The following RHD variants were observed in gnomAD, a reference collection of about 807,000 sequenced individuals.
The protein encoded by RHD is blood group Rh(D) polypeptide.
Under a neutral mutation model 45.5 loss-of-function variants are expected in RHD, and 16 were observed. The ratio of observed to expected loss-of-function variants is 0.35; its 90% CI spans 0.24 to 0.53. The LOEUF (loss-of-function observed/expected upper bound fraction) is 0.53, where lower values mean the gene tolerates loss of function less well. RHD is among the 20% of genes least tolerant of loss of function. The probability of loss-of-function intolerance (pLI) is 0.92; values close to 1 mark genes in which losing one functional copy is unlikely to be tolerated. For missense variants in RHD, 306 were observed against 532.0 expected (o/e 0.58, Z 4.18); for synonymous variants, 131 against 217.5 (o/e 0.60, Z 3.50).
rs1325724880 is a variant in RHD at position 25,295,859 on chromosome 1, T to G, written c.486+5068T>G. The stretch of plus-strand genomic sequence containing the variant: ...GGAGGGAATATGGGAAATTTTTTTT[T>G]TTTTTTTTTTTTTTTTTTTTGAGAT... On this transcript the variant is annotated intron_variant, in intron 3 of 9. Coordinates refer to ENST00000328664, the MANE Select transcript of RHD (RefSeq NM_016124.6). Among the ~76,000 whole-genome samples the G allele has an allele frequency of 6.8e-4, 68 of 99,624 alleles. 14 individuals are homozygous for G. Among genetic ancestry groups the G allele is most frequent in the East Asian group, 1.7e-3 (8 of 4,738 alleles). The allele number at this position is 99,624 out of a possible 152,430, so 65.4% of individuals were successfully genotyped here.
At chr1:25,312,189 G>A (rs531759832) in intron 7 of RHD, among the ~76,000 whole-genome samples, 1,259 of 96,140 alleles carry the variant, frequency 0.013, 119 homozygotes, top group African/African-American at 0.042. Context: ...AAGGTTTAAT[G>A]TTGTTTTCTA....
intron 2 of RHD, among the ~76,000 whole-genome samples, chr1:25,290,317 G>C (rs1315692402): frequency 3.2e-5 from 4 of 123,708 alleles, no homozygotes; most frequent in African/African-American, 1.1e-4. Flanking sequence ...TCCCCTGAGG[G>C]AACAGTCACC....
intron 2 of RHD, among the ~76,000 whole-genome samples, chr1:25,287,735 T>A: frequency 7.4e-6 from 1 of 135,494 alleles, no homozygotes; most frequent in East Asian, 1.9e-4. Flanking sequence ...TTATTTATTT[T>A]TTTAGAGACA....
Position 25,328,983 on chromosome 1 carries a change from T to C in RHD, c.*59T>C. Reference sequence around the variant, plus strand: ...AAAACAAGACAACTTCCTCTCACTGTTGCCTGCATTTGTACGTGAGAAACG... The same window carrying C: ...AAAACAAGACAACTTCCTCTCACTGCTGCCTGCATTTGTACGTGAGAAACG... On this transcript the variant is annotated 3_prime_UTR_variant, in exon 10 of 10. Coordinates refer to ENST00000328664, the MANE Select transcript of RHD (RefSeq NM_016124.6). 2 of 1,369,968 alleles carry C rather than the reference T, an allele frequency of 1.5e-6. 1 individual carries two copies. Among genetic ancestry groups the C allele is most frequent in the Admixed American group, 3.6e-5 (2 of 54,952 alleles). 84.9% of individuals were successfully genotyped at this position (1,369,968 alleles called of 1,614,324 possible).
At position 25,329,489 on chromosome 1, in the gene RHD, C is replaced by T. The variant is rs147810784; in HGVS notation, c.*565C>T. On this transcript the variant is annotated 3_prime_UTR_variant, in exon 10 of 10. Coordinates refer to ENST00000328664, the MANE Select transcript of RHD (RefSeq NM_016124.6). ...AACTCCTGACCTCAAGTGATCTGCC[C>T]GCCTCGGCCTCCCAAAGTGCTGGAA... 1,812 of 205,138 alleles carry T rather than the reference C, an allele frequency of 8.8e-3. 236 individuals carry two copies. The highest frequency in any genetic ancestry group is 0.042 in the African/African-American group (1,647 of 39,588). The allele number at this position is 205,138 out of a possible 1,614,324, so 12.7% of individuals were successfully genotyped here.
chr1:25,306,860 T>G lies in RHD; in HGVS notation c.1073+131T>G. ...TCAGTAGGCTTCGGTGAATATTTGT[T>G]GGCTGATTTATTCAGAAATTCTGTC... On this transcript the variant is annotated intron_variant, in intron 7 of 9. Coordinates refer to ENST00000328664, the MANE Select transcript of RHD (RefSeq NM_016124.6). 5.4e-6 allele frequency: 5 copies of G among 924,316 alleles called. 1 individual carries two copies. Among genetic ancestry groups the G allele is most frequent in the Non-Finnish European group, 8.6e-6 (5 of 578,210 alleles). 57.3% of individuals were successfully genotyped at this position (924,316 alleles called of 1,614,324 possible). A position where few individuals can be genotyped will look rare whatever the true frequency, so the allele number is the denominator to read the frequency against.
intron 4 of RHD, 152 bp downstream of exon 4, chr1:25,301,245 T>G (rs1389079019): frequency 2.2e-6 from 2 of 893,354 alleles, no homozygotes; most frequent in African/African-American, 3.3e-5. Context: ...TAGTGTTTGC[T>G]AAATTCATAC....
In RHD at chr1:25,309,320, G is replaced by C. The variant is rs1317071825; in HGVS notation, c.1073+2591G>C. On this transcript the variant is annotated intron_variant, in intron 7 of 9. Coordinates refer to ENST00000328664, the MANE Select transcript of RHD (RefSeq NM_016124.6). ...TTTCAATTCTCAGTCCTTTGATTAC[G>C]TCAGGGAGAAAAGAAAGTCCCCACT... Among the ~76,000 whole-genome samples, 2 of 130,818 alleles carry C rather than the reference G, an allele frequency of 1.5e-5. 1 individual carries two copies. The highest frequency in any genetic ancestry group is 5.3e-5 in the African/African-American group (2 of 37,614). The allele number at this position is 130,818 out of a possible 152,430, so 85.8% of individuals were successfully genotyped here. A position where few individuals can be genotyped will look rare whatever the true frequency, so the allele number is the denominator to read the frequency against.
intron 3 of RHD, among the ~76,000 whole-genome samples, chr1:25,291,173 C>T (rs1332720005): frequency 1.2e-4 from 15 of 126,690 alleles, no homozygotes; most frequent in African/African-American, 4.2e-4. Context: ...GACAGACAGA[C>T]AGACAGACAG....
Position 25,275,028 on chromosome 1 carries a change from C to G in RHD, c.148+2333C>G, listed in dbSNP as rs534532874. Among the ~76,000 whole-genome samples, 13 of 129,714 alleles carry G rather than the reference C, an allele frequency of 1.0e-4. 2 individuals are homozygous for G. In the South Asian group the frequency reaches 2.8e-3, roughly 28 times the overall value. The allele number at this position is 129,714 out of a possible 152,430, so 85.1% of individuals were successfully genotyped here. A position where few individuals can be genotyped will look rare whatever the true frequency, so the allele number is the denominator to read the frequency against. ...CAGGGACTGGGTGTGGTGACTCATG[C>G]CTGTAATCCCAAACACTTTGGGAGA... On this transcript the variant is annotated intron_variant, in intron 1 of 9. Transcript: ENST00000328664.
intron 7 of RHD, among the ~76,000 whole-genome samples, chr1:25,312,912 C>G (rs1308461816): frequency 8.7e-5 from 1 of 11,448 alleles, no homozygotes; most frequent in African/African-American, 1.7e-4. Flanking sequence ...AGAGCAAAAT[C>G]CCATCTCTAA....
intron 7 of RHD, among the ~76,000 whole-genome samples, chr1:25,316,296 T>C (rs1219230382): frequency 2.3e-5 from 3 of 128,810 alleles, no homozygotes; most frequent in African/African-American, 8.0e-5. Flanking sequence ...CCAAGAGAAA[T>C]AGAACCTTCA....
Position 25,290,554 on chromosome 1 carries a change from AGAATGAATGAAT to A in RHD, c.336-64_336-53del, listed in dbSNP as rs112473736. On this transcript the variant is annotated intron_variant, in intron 2 of 9. Transcript: ENST00000328664. ...TAGGTGCCCAACAGTGTTTGTTGAAAGAATGAATGAATGAATGAATGAATGAATGAATGAGTG... is the reference window on the plus strand; with the variant it reads ...TAGGTGCCCAACAGTGTTTGTTGAAAGAATGAATGAATGAATGAATGAGTG... 202 of 1,099,946 alleles carry A rather than the reference AGAATGAATGAAT, an allele frequency of 1.8e-4. 22 individuals carry two copies. The East Asian group carries it at 3.1e-3, about 17-fold the overall frequency. The allele number at this position is 1,099,946 out of a possible 1,614,324, so 68.1% of individuals were successfully genotyped here. A position where few individuals can be genotyped will look rare whatever the true frequency, so the allele number is the denominator to read the frequency against.
rs200048219 is a variant in RHD, at chr1:25,301,522, G to A, written c.637G>A (p.Ala213Thr). The A allele has an allele frequency of 4.5e-5, 62 of 1,377,970 alleles. 21 individuals carry two copies. Among genetic ancestry groups the A allele is most frequent in the Non-Finnish European group, 5.8e-5 (57 of 978,522 alleles). The allele number at this position is 1,377,970 out of a possible 1,614,324, so 85.4% of individuals were successfully genotyped here. ...TIPSLSAMLGALFLWMFWPSF... is the reference protein window; with the variant it reads ...TIPSLSAMLGTLFLWMFWPSF... ...CAACCACCCTCTCTGGCCCCCAGGC[G>A]CCCTCTTCTTGTGGATGTTCTGGCC... Residue 213 changes from alanine (A) to threonine (T), a missense_variant and splice_region_variant, in exon 5 of 10, where the codon GCC (alanine) becomes ACC (threonine). By Grantham distance (58) the Ala-to-Thr change is moderately conservative. Coordinates refer to ENST00000328664, the MANE Select transcript of RHD (RefSeq NM_016124.6).
At chr1:25,273,727 A>G (rs1231952331) in intron 1 of RHD, among the ~76,000 whole-genome samples, 1 of 128,528 alleles carries the variant, frequency 7.8e-6, no homozygotes, top group Non-Finnish European at 1.8e-5. Flanking sequence ...AATGAGTTTC[A>G]GGCATCTCAG....
At chr1:25,312,961 G>C (rs1405914418) in intron 7 of RHD, among the ~76,000 whole-genome samples, 1 of 31,744 alleles carries the variant, frequency 3.2e-5, no homozygotes, top group African/African-American at 6.5e-5. Context: ...AAAAACTTTA[G>C]TGCTATTGGA....
chr1:25,293,791 A>C lies in RHD; in HGVS notation c.486+3000A>C, dbSNP rs1157235325. Among the ~76,000 whole-genome samples the C allele has an allele frequency of 1.4e-4, 19 of 132,208 alleles. 2 individuals are homozygous for C. Among genetic ancestry groups the C allele is most frequent in the African/African-American group, 4.7e-4 (18 of 38,608 alleles). 86.7% of individuals were successfully genotyped at this position (132,208 alleles called of 152,430 possible). A position where few individuals can be genotyped will look rare whatever the true frequency, so the allele number is the denominator to read the frequency against. The stretch of plus-strand genomic sequence containing the variant: ...GAATTAAGAGTATTTCCCTTTGTCC[A>C]TTATTCCCAAGGCAAATATGGAAAT... On this transcript the variant is annotated intron_variant, in intron 3 of 9. Coordinates refer to ENST00000328664, the MANE Select transcript of RHD (RefSeq NM_016124.6).
At chr1:25,299,492 G>A (rs1247610307) in intron 3 of RHD, among the ~76,000 whole-genome samples, 6 of 131,742 alleles carry the variant, frequency 4.6e-5, no homozygotes, top group Non-Finnish European at 1.1e-4. Context: ...TGCACCCAGG[G>A]TGGACTACTC....
chr1:25,309,979 A>T lies in RHD; in HGVS notation c.1073+3250A>T, dbSNP rs1359583666. 7.6e-5 allele frequency among the ~76,000 whole-genome samples: 10 copies of T among 132,388 alleles called. 1 individual carries two copies. The highest frequency in any genetic ancestry group is 3.7e-3 in the Middle Eastern group (1 of 268). The allele number at this position is 132,388 out of a possible 152,430, so 86.9% of individuals were successfully genotyped here. A position where few individuals can be genotyped will look rare whatever the true frequency, so the allele number is the denominator to read the frequency against. On this transcript the variant is annotated intron_variant, in intron 7 of 9. Coordinates refer to ENST00000328664, the MANE Select transcript of RHD (RefSeq NM_016124.6). ...TCCTCTATTCTGCCACTTATTACTTAAAAAAACCCCAAAAAACCCAACTTA... is the reference window on the plus strand; with the variant it reads ...TCCTCTATTCTGCCACTTATTACTTTAAAAAACCCCAAAAAACCCAACTTA...
Sources: gnomAD v4.1 joint callset for allele counts (sites outside exome capture counted in the v4.1 genomes callset) on GRCh38, gnomAD v4.1.1 for gene constraint, MANE v1.5 for transcripts, NCBI Gene and HGNC (gene_info 2026-07-23, HGNC 2026-07-21) for gene names.